The following TMEM132D variants were observed in gnomAD, a reference collection of about 807,000 sequenced individuals.
TMEM132D encodes the protein mature OL transmembrane protein.
A neutral mutation model predicts 62.3 loss-of-function variants in TMEM132D; 21 were observed. That is an observed-to-expected ratio of 0.34 (90% confidence interval 0.24 to 0.49). TMEM132D has a LOEUF of 0.49. Among genes scored for constraint, TMEM132D ranks in the 20% least tolerant of loss-of-function variants. The pLI is 0.99. For missense variants in TMEM132D, 1,346 were observed against 1,402.8 expected, an observed-to-expected ratio of 0.96 and a Z score of 0.65; for synonymous variants, 621 against 575.6, an observed-to-expected ratio of 1.08 and a Z score of -1.13.
intron 5 of TMEM132D, among the ~76,000 whole-genome samples, chr12:129,186,478 C>A (rs1334723300): frequency 6.6e-6 from 1 of 152,208 alleles, no homozygotes; most frequent in Non-Finnish European, 1.5e-5. Flanking sequence ...CCACTTGACC[C>A]TCTATACCAT....
intron 8 of TMEM132D, 95 bp from the exon 9 acceptor site, chr12:129,075,154 C>A: frequency 1.0e-6 from 1 of 971,260 alleles, no homozygotes; most frequent in South Asian, 1.7e-5. Flanking sequence ...AAAACTATTG[C>A]TACAAGAACA....
At chr12:129,210,425 C>T (rs1237348802) in intron 4 of TMEM132D, among the ~76,000 whole-genome samples, 4 of 152,142 alleles carry the variant, frequency 2.6e-5, no homozygotes, top group Non-Finnish European at 4.4e-5. Flanking sequence ...CTCCCACATC[C>T]CCACTGATGC....
chr12:129,844,796 C>CTAGTAA (rs1873310028), intron 1 of TMEM132D, among the ~76,000 whole-genome samples: 1 of 152,104 alleles, frequency 6.6e-6, no homozygotes, highest in South Asian at 2.1e-4. Context: ...CCTTAATGAA[C>CTAGTAA]TAGTAACAAT....
chr12:129,084,520 T>C lies in TMEM132D; in HGVS notation c.1626A>G (p.Arg542=). The C allele has an allele frequency of 6.2e-7, 1 of 1,606,462 alleles. No individual in the cohort carries two copies. Among genetic ancestry groups the C allele is most frequent in the Non-Finnish European group, 8.5e-7 (1 of 1,176,376 alleles). The change falls in exon 6 of 9, where the codon AGA becomes AGG. Residue 542 remains arginine (R), a synonymous_variant. Transcript: ENST00000422113. Reference sequence around the variant, plus strand: ...ACCTCCTGCTGGAGACGATGGGCACTCTCCAACCCTTGATCTGATTGAGCT... The same window carrying C: ...ACCTCCTGCTGGAGACGATGGGCACCCTCCAACCCTTGATCTGATTGAGCT... ...DTELNQIKGW[R]VPIVSSRRPA...
At chr12:129,623,515 G>C (rs995081747) in intron 2 of TMEM132D, among the ~76,000 whole-genome samples, 2 of 151,984 alleles carry the variant, frequency 1.3e-5, no homozygotes, top group Non-Finnish European at 2.9e-5. Context: ...ACTTGTAAGT[G>C]AGAACATGTG....
chr12:129,250,656 GT>G, intron 4 of TMEM132D, among the ~76,000 whole-genome samples: 1 of 152,282 alleles, frequency 6.6e-6, no homozygotes, highest in African/African-American at 2.4e-5. Flanking sequence ...TTCTCTAGGG[GT>G]TTGTTCAAAG....
chr12:129,751,508 G>A (rs537071302), intron 1 of TMEM132D, among the ~76,000 whole-genome samples: 5 of 150,132 alleles, frequency 3.3e-5, no homozygotes, highest in East Asian at 2.0e-4. Context: ...TTCCTGTGTC[G>A]CCCCCACCAG....
At chr12:129,218,144 G>A (rs771862927) in intron 4 of TMEM132D, among the ~76,000 whole-genome samples, 1 of 152,112 alleles carries the variant, frequency 6.6e-6, no homozygotes, top group African/African-American at 2.4e-5. Context: ...GCATTGTCCT[G>A]GTTCCTACCT....
At chr12:129,447,347 ACATT>A (rs1227320605) in intron 3 of TMEM132D, among the ~76,000 whole-genome samples, 1 of 152,228 alleles carries the variant, frequency 6.6e-6, no homozygotes, top group Non-Finnish European at 1.5e-5. Flanking sequence ...CTTTACTAAT[ACATT>A]CATTTTGAAA....
intron 4 of TMEM132D, among the ~76,000 whole-genome samples, chr12:129,222,001 A>G (rs1879360438): frequency 6.6e-6 from 1 of 152,224 alleles, no homozygotes; most frequent in Non-Finnish European, 1.5e-5. Flanking sequence ...TGGCACCTGC[A>G]TTGCAAATAG....
chr12:129,105,499 T>A (rs112923986), intron 5 of TMEM132D, among the ~76,000 whole-genome samples: 1 of 143,226 alleles, frequency 7.0e-6, no homozygotes, highest in African/African-American at 2.7e-5. Context: ...CATATGTAAC[T>A]AACCTGCACA....
chr12:129,431,159 G>A (rs769009249), intron 3 of TMEM132D, among the ~76,000 whole-genome samples: 5 of 152,196 alleles, frequency 3.3e-5, no homozygotes, highest in Admixed American at 6.5e-5. Flanking sequence ...ACCTCATTTA[G>A]TTCTCACAAG....
intron 3 of TMEM132D, among the ~76,000 whole-genome samples, chr12:129,388,925 C>T (rs1284167781): frequency 7.5e-6 from 1 of 134,186 alleles, no homozygotes; most frequent in Non-Finnish European, 1.7e-5. Flanking sequence ...GACACCAATA[C>T]TAACACCAAC....
intron 2 of TMEM132D, among the ~76,000 whole-genome samples, chr12:129,633,458 C>G (rs548636051): frequency 1.3e-5 from 2 of 152,246 alleles, no homozygotes; most frequent in East Asian, 3.9e-4. Flanking sequence ...ATAAGTAGAA[C>G]CAAATTCCCC....
intron 1 of TMEM132D, among the ~76,000 whole-genome samples, chr12:129,796,580 G>T (rs1253423529): frequency 1.3e-5 from 2 of 152,098 alleles, no homozygotes; most frequent in Non-Finnish European, 2.9e-5. Flanking sequence ...TCCTTTGCAG[G>T]GACATGGATG....
At chr12:129,567,425 A>T (rs767728498) in intron 2 of TMEM132D, among the ~76,000 whole-genome samples, 2 of 152,242 alleles carry the variant, frequency 1.3e-5, no homozygotes, top group African/African-American at 2.4e-5. Context: ...ACCACGTGAC[A>T]AGTTTTAGTG....
At chr12:129,083,979 C>A (rs574219195) in intron 6 of TMEM132D, among the ~76,000 whole-genome samples, 2 of 152,312 alleles carry the variant, frequency 1.3e-5, no homozygotes, top group South Asian at 4.1e-4. Flanking sequence ...AGCTTCTGGA[C>A]TGGAGCGCAG....
chr12:129,530,716 G>A (rs554117048), intron 3 of TMEM132D, among the ~76,000 whole-genome samples: 27 of 152,224 alleles, frequency 1.8e-4, no homozygotes, highest in African/African-American at 6.3e-4. Flanking sequence ...AAAATGGGCC[G>A]TTTCATGAGA....
chr12:129,745,926 C>T (rs2137262825), intron 1 of TMEM132D, among the ~76,000 whole-genome samples: 1 of 152,290 alleles, frequency 6.6e-6, no homozygotes, highest in East Asian at 1.9e-4. Context: ...CCACCCCAGC[C>T]CTTCGGAAGG....
Sources: gnomAD v4.1 joint callset for allele counts (sites outside exome capture counted in the v4.1 genomes callset) on GRCh38, gnomAD v4.1.1 for gene constraint, MANE v1.5 for transcripts, NCBI Gene and HGNC (gene_info 2026-07-23, HGNC 2026-07-21) for gene names.